The following ST8SIA4 variants were observed in gnomAD, a reference collection of about 807,000 sequenced individuals.
The protein encoded by ST8SIA4 is ST8 alpha-N-acetyl-neuraminide alpha-2,8-sialyltransferase 4.
A neutral mutation model predicts 33.9 loss-of-function variants in ST8SIA4; 15 were observed. The ratio of observed to expected loss-of-function variants is 0.44; its 90% confidence interval spans 0.30 to 0.68. The LOEUF (loss-of-function observed/expected upper bound fraction) is 0.68, where lower values mean the gene tolerates loss of function less well. Among genes scored for constraint, ST8SIA4 ranks in the 30% least tolerant of loss-of-function variants. The probability of loss-of-function intolerance (pLI) is 0.10; values close to 1 mark genes in which losing one functional copy is unlikely to be tolerated. For missense variants in ST8SIA4, 321 were observed against 428.0 expected (o/e 0.75, Z 2.21); for synonymous variants, 171 against 151.2 (o/e 1.13, Z -0.96).
intron 3 of ST8SIA4, among the ~76,000 whole-genome samples, chr5:100,862,354 G>A (rs189498497): frequency 1.4e-4 from 21 of 152,142 alleles, no homozygotes; most frequent in Non-Finnish European, 2.6e-4. Flanking sequence ...ATATTTTATT[G>A]TTGCTCTAAG....
rs73163646 is a variant in ST8SIA4 at position 100,813,974 on chromosome 5, T to G, written c.798-1845A>C. The stretch of plus-strand genomic sequence containing the variant: ...ATTATTTCTAAAGTGAGAAAAATGC[T>G]GCTATATTACTTGTATGAAACTCCA... On this transcript the variant is annotated intron_variant, in intron 4 of 4. Coordinates refer to ENST00000231461, the MANE Select transcript of ST8SIA4 (RefSeq NM_005668.6). 7.4e-3 allele frequency among the ~76,000 whole-genome samples: 1,122 copies of G among 152,132 alleles called. 12 individuals are homozygous for G. The highest frequency in any genetic ancestry group is 0.025 in the African/African-American group (1,036 of 41,570).
chr5:100,880,662 T>C (rs1016919651), intron 3 of ST8SIA4, among the ~76,000 whole-genome samples: 1 of 152,204 alleles, frequency 6.6e-6, no homozygotes, highest in Admixed American at 6.5e-5. Context: ...TAAGGAACTA[T>C]TGTAGAGTTC....
At chr5:100,885,784 G>T in intron 3 of ST8SIA4, 1 of 911,202 alleles carries the variant, frequency 1.1e-6, no homozygotes, top group Non-Finnish European at 1.3e-6. Flanking sequence ...AAACATGCAC[G>T]CTTAATTATG....
At chr5:100,867,682 A>G (rs1752097908) in intron 3 of ST8SIA4, among the ~76,000 whole-genome samples, 1 of 152,032 alleles carries the variant, frequency 6.6e-6, no homozygotes, top group African/African-American at 2.4e-5. Flanking sequence ...ATAAACAAAA[A>G]AACTTAATAC....
intron 3 of ST8SIA4, among the ~76,000 whole-genome samples, chr5:100,869,164 G>A (rs1022451740): frequency 1.3e-5 from 2 of 152,100 alleles, no homozygotes; most frequent in African/African-American, 4.8e-5. Context: ...ATGAAGAAGT[G>A]AAGAACAATT....
intron 2 of ST8SIA4, among the ~76,000 whole-genome samples, chr5:100,892,091 T>C (rs1206541240): frequency 1.3e-5 from 2 of 152,092 alleles, no homozygotes; most frequent in Non-Finnish European, 2.9e-5. Context: ...AAAGCTATCC[T>C]GATGTGTACA....
At chr5:100,820,560 A>G (rs1393030194) in intron 4 of ST8SIA4, among the ~76,000 whole-genome samples, 1 of 152,052 alleles carries the variant, frequency 6.6e-6, no homozygotes, top group Non-Finnish European at 1.5e-5. Context: ...TCATAAAATG[A>G]CCCCTTACAA....
intron 4 of ST8SIA4, among the ~76,000 whole-genome samples, chr5:100,843,787 G>C (rs1180122506): frequency 6.6e-6 from 1 of 151,866 alleles, no homozygotes; most frequent in Admixed American, 6.6e-5. Context: ...TCCACTTCTT[G>C]CTCTGCAAAT....
At position 100,815,968 on chromosome 5, in the gene ST8SIA4, A is replaced by T. The variant is rs565552580; in HGVS notation, c.798-3839T>A. ...CAATCATTCTTCAGTCCCACTCACA[A>T]ACCCACTTCTCTCTTGGAACCTTCT... On this transcript the variant is annotated intron_variant, in intron 4 of 4. Coordinates refer to ENST00000231461, the MANE Select transcript of ST8SIA4 (RefSeq NM_005668.6). 1.3e-4 allele frequency among the ~76,000 whole-genome samples: 20 copies of T among 152,308 alleles called. No individual in the cohort carries two copies. In the South Asian group the frequency reaches 3.3e-3, roughly 25 times the overall value.
At chr5:100,830,402 C>A (rs1302913588) in intron 4 of ST8SIA4, among the ~76,000 whole-genome samples, 1 of 152,106 alleles carries the variant, frequency 6.6e-6, no homozygotes, top group Non-Finnish European at 1.5e-5. Flanking sequence ...TTGTAAAGTG[C>A]TTTAAGTAAT....
At chr5:100,819,866 T>C (rs888534595) in intron 4 of ST8SIA4, among the ~76,000 whole-genome samples, 1 of 152,210 alleles carries the variant, frequency 6.6e-6, no homozygotes, top group Non-Finnish European at 1.5e-5. Flanking sequence ...AGATAAATGA[T>C]GGTTTTATTT....
At chr5:100,840,023 T>C (rs182365382) in intron 4 of ST8SIA4, among the ~76,000 whole-genome samples, 52 of 151,614 alleles carry the variant, frequency 3.4e-4, no homozygotes, top group Non-Finnish European at 5.8e-4. Context: ...AATATATACT[T>C]TTAATATTTT....
intron 4 of ST8SIA4, among the ~76,000 whole-genome samples, chr5:100,817,184 G>C (rs1396112281): frequency 8.0e-6 from 1 of 125,750 alleles, no homozygotes; most frequent in Non-Finnish European, 1.6e-5. Flanking sequence ...GGCCAGGCTG[G>C]TCTCAAACTC....
intron 4 of ST8SIA4, among the ~76,000 whole-genome samples, chr5:100,836,241 C>T (rs899057964): frequency 3.3e-5 from 5 of 152,132 alleles, no homozygotes; most frequent in African/African-American, 1.2e-4. Flanking sequence ...TATGAGTAGA[C>T]ACTCTTAATA....
chr5:100,855,145 GT>G (rs1751787143), intron 4 of ST8SIA4, among the ~76,000 whole-genome samples: 1 of 151,974 alleles, frequency 6.6e-6, no homozygotes, highest in African/African-American at 2.4e-5. Context: ...GCTTGACCTG[GT>G]ACCCTCTAAT....
chr5:100,870,640 A>AT (rs1300949399), intron 3 of ST8SIA4, among the ~76,000 whole-genome samples: 1 of 152,120 alleles, frequency 6.6e-6, no homozygotes, highest in Admixed American at 6.6e-5. Context: ...CATCATTTCC[A>AT]TTTTTTAAAA....
At chr5:100,845,020 CTT>C (rs1439624989) in intron 4 of ST8SIA4, among the ~76,000 whole-genome samples, 3 of 152,042 alleles carry the variant, frequency 2.0e-5, no homozygotes, top group Non-Finnish European at 2.9e-5. Flanking sequence ...AGCCCCAAGT[CTT>C]TTGCCTTATT....
intron 4 of ST8SIA4, among the ~76,000 whole-genome samples, chr5:100,841,264 T>G (rs1247355346): frequency 1.3e-5 from 2 of 151,840 alleles, no homozygotes; most frequent in Non-Finnish European, 2.9e-5. Flanking sequence ...GGGACTTTTG[T>G]AAATTGGGAT....
At chr5:100,868,151 A>C (rs1174413108) in intron 3 of ST8SIA4, among the ~76,000 whole-genome samples, 1 of 152,026 alleles carries the variant, frequency 6.6e-6, no homozygotes, top group Non-Finnish European at 1.5e-5. Context: ...TGTTTCTTTG[A>C]ACTAGTATTG....
Sources: gnomAD v4.1 joint callset for allele counts (sites outside exome capture counted in the v4.1 genomes callset) on GRCh38, gnomAD v4.1.1 for gene constraint, MANE v1.5 for transcripts, NCBI Gene and HGNC (gene_info 2026-07-23, HGNC 2026-07-21) for gene names.